Variants in FHIP2A observed in about 807,000 individuals in gnomAD.
FHIP2A encodes family with sequence similarity 160 member B1.
A neutral mutation model predicts 93.5 loss-of-function variants in FHIP2A; 46 were observed. The observed-to-expected ratio is 0.49, with a 90% CI of 0.39 to 0.63. The LOEUF is 0.63. FHIP2A is among the 20% of genes least tolerant of loss of function. The pLI is 0.00. For missense variants in FHIP2A, 769 were observed against 909.7 expected, an observed-to-expected ratio of 0.85 and a Z score of 1.99; for synonymous variants, 332 against 326.5, an observed-to-expected ratio of 1.02 and a Z score of -0.18.
rs560232129 is a variant in FHIP2A at position 114,862,020 on chromosome 10, A to G, written c.*480A>G. On this transcript the variant is annotated 3_prime_UTR_variant, in exon 17 of 17. Coordinates refer to ENST00000369248, the MANE Select transcript of FHIP2A (RefSeq NM_020940.4). ...AATTCTTATCAAACAAAATATGAAA[A>G]CTGTAAATGAGAAAAAAATACAATT... 1.0e-6 allele frequency: 1 copy of G among 970,166 alleles called. No homozygotes were observed. Among genetic ancestry groups the G allele is most frequent in the Non-Finnish European group, 1.2e-6 (1 of 815,578 alleles). The allele number at this position is 970,166 out of a possible 1,614,324, so 60.1% of individuals were successfully genotyped here.
At chr10:114,859,205 G>C (rs555551758) in intron 14 of FHIP2A, among the ~76,000 whole-genome samples, 32 of 152,028 alleles carry the variant, frequency 2.1e-4, no homozygotes, top group Admixed American at 1.3e-3. Flanking sequence ...TAGTAAGTTA[G>C]AAAGACTAAA....
At position 114,860,878 on chromosome 10, in the gene FHIP2A, G is replaced by A. The variant is rs1238412832; in HGVS notation, c.2077G>A (p.Val693Ile). The A allele has an allele frequency of 1.9e-6, 3 of 1,613,320 alleles. No homozygotes were observed. The highest frequency in any genetic ancestry group is 1.7e-5 in the Admixed American group (1 of 59,962). Residue 693 changes from valine to isoleucine, a missense_variant, in exon 15 of 17, where the codon GTA becomes ATA. Val to Ile is a conservative substitution (Grantham distance 29, BLOSUM62 3). Coordinates refer to ENST00000369248, the MANE Select transcript of FHIP2A (RefSeq NM_020940.4). ...LAPGCRSLFS[V>I]IVRVVGDLML... is the part of the protein sequence containing the mutation. Reference sequence around the variant, plus strand: ...TCCTGGCTGTAGATCTCTCTTCTCTGTAATTGTCAGGGTGAGTTACTAGTT... The same window carrying A: ...TCCTGGCTGTAGATCTCTCTTCTCTATAATTGTCAGGGTGAGTTACTAGTT...
At chr10:114,866,062 A>G (rs2083827367), downstream of FHIP2A, among the ~76,000 whole-genome samples, 1 of 152,042 alleles carries the variant, frequency 6.6e-6, no homozygotes, top group Non-Finnish European at 1.5e-5. Flanking sequence ...TGCTGCACCT[A>G]TCAACCCATC....
At chr10:114,865,239 C>G (rs1315872978), downstream of FHIP2A, among the ~76,000 whole-genome samples, 1 of 152,084 alleles carries the variant, frequency 6.6e-6, no homozygotes, top group Non-Finnish European at 1.5e-5. Flanking sequence ...CCACCTGCCT[C>G]GGCCTCCCAA....
intron 2 of FHIP2A, among the ~76,000 whole-genome samples, chr10:114,832,812 A>G (rs1222052999): frequency 4.0e-5 from 6 of 151,436 alleles, no homozygotes; most frequent in African/African-American, 1.5e-4. Flanking sequence ...CCCAGGTTCA[A>G]GAGATTCTCC....
intron 14 of FHIP2A, among the ~76,000 whole-genome samples, chr10:114,856,626 A>G (rs2083768697): frequency 6.6e-6 from 1 of 152,126 alleles, no homozygotes; most frequent in South Asian, 2.1e-4. Flanking sequence ...TCTAAATTTT[A>G]AAAAGTAGTT....
chr10:114,853,648 T>A (rs553806295), intron 13 of FHIP2A, among the ~76,000 whole-genome samples: 1 of 152,360 alleles, frequency 6.6e-6, no homozygotes, highest in South Asian at 2.1e-4. Context: ...AACCAAAAGC[T>A]ATAAGAAATT....
chr10:114,855,792 G>A lies in FHIP2A; in HGVS notation c.1947+452G>A, dbSNP rs146310386. On this transcript the variant is annotated intron_variant, in intron 14 of 16. Transcript: ENST00000369248. ...GGCTCTTTAGACAAAGCTTGTAAACGATACTCATTTTCATAAGGGAGAGGT... is the reference window on the plus strand; with the variant it reads ...GGCTCTTTAGACAAAGCTTGTAAACAATACTCATTTTCATAAGGGAGAGGT... Among the ~76,000 whole-genome samples the A allele has an allele frequency of 5.1e-3, 773 of 152,198 alleles. 4 individuals are homozygous for A. The highest frequency in any genetic ancestry group is 0.011 in the African/African-American group (457 of 41,546).
Position 114,861,739 on chromosome 10 carries a change from A to G in FHIP2A, c.*199A>G, listed in dbSNP as rs142821141. On this transcript the variant is annotated 3_prime_UTR_variant, in exon 17 of 17. Transcript: ENST00000369248. The stretch of plus-strand genomic sequence containing the variant: ...TAATGTTGTTTTCATTGGCTTTATC[A>G]TAATGGTTCTATATATACAATTGCA... 210 of 1,351,512 alleles carry G rather than the reference A, an allele frequency of 1.6e-4. No individual in the cohort carries two copies. The African/African-American group carries it at 2.8e-3, about 18-fold the overall frequency. The allele number at this position is 1,351,512 out of a possible 1,614,324, so 83.7% of individuals were successfully genotyped here.
intron 1 of FHIP2A, among the ~76,000 whole-genome samples, chr10:114,826,683 AAAG>A (rs2083578591): frequency 6.6e-6 from 1 of 152,194 alleles, no homozygotes; most frequent in African/African-American, 2.4e-5. Context: ...CCAGGGGCAG[AAAG>A]AAGCATTTAA....
In FHIP2A at chr10:114,847,108, A is replaced by G. The variant is rs755748158; in HGVS notation, c.1587A>G (p.Pro529=). ...AACTTAGAGATCTGGAAGAAGATCCATTATTTACTGACATTTCACCAGAAA... is the reference window on the plus strand; with the variant it reads ...AACTTAGAGATCTGGAAGAAGATCCGTTATTTACTGACATTTCACCAGAAA... The part of the protein sequence containing the change: ...IAGAVDLEED[P]LFTDISPENT... The change falls in exon 12 of 17, where the codon CCA becomes CCG. Residue 529 remains proline, a synonymous_variant. Coordinates refer to ENST00000369248, the MANE Select transcript of FHIP2A (RefSeq NM_020940.4). 2 of 1,611,574 alleles carry G rather than the reference A, an allele frequency of 1.2e-6. No individual in the cohort carries two copies. The highest frequency in any genetic ancestry group is 1.7e-6 in the Non-Finnish European group (2 of 1,178,548).
At chr10:114,848,916 A>G (rs574739436) in intron 13 of FHIP2A, among the ~76,000 whole-genome samples, 179 bp downstream of exon 13, 8 of 151,908 alleles carry the variant, frequency 5.3e-5, no homozygotes, top group Middle Eastern at 3.4e-3. Context: ...GCCGAAGCGG[A>G]TGGATCACTT....
At chr10:114,860,963 C>A in intron 15 of FHIP2A, 74 bp downstream of exon 15, 1 of 1,362,128 alleles carries the variant, frequency 7.3e-7, no homozygotes, top group South Asian at 1.2e-5. Context: ...TCATTGTATG[C>A]AGTTAGTGTC....
At chr10:114,845,207 T>C (rs755377004) in intron 7 of FHIP2A, among the ~76,000 whole-genome samples, 160 bp from the exon 8 acceptor site, 3 of 152,180 alleles carry the variant, frequency 2.0e-5, no homozygotes, top group Non-Finnish European at 2.9e-5. Context: ...TATCTTTGGT[T>C]TCTTTTACAG....
intron 16 of FHIP2A, among the ~76,000 whole-genome samples, chr10:114,895,342 C>T (rs1566391908): frequency 6.6e-6 from 1 of 152,194 alleles, no homozygotes; most frequent in Non-Finnish European, 1.5e-5. Context: ...CCAATTCCTA[C>T]CACCCTGGAC....
chr10:114,850,593 G>A (rs2083729018), intron 13 of FHIP2A, among the ~76,000 whole-genome samples: 2 of 152,118 alleles, frequency 1.3e-5, no homozygotes, highest in South Asian at 4.2e-4. Context: ...CCAGCTATTG[G>A]GGAAGCTGAG....
chr10:114,848,195 G>A (rs2083713452), intron 12 of FHIP2A, among the ~76,000 whole-genome samples: 1 of 151,970 alleles, frequency 6.6e-6, no homozygotes, highest in Non-Finnish European at 1.5e-5. Context: ...GTTCTGGCAG[G>A]TGATTTTAGA....
chr10:114,875,920 G>GA (rs1417117218), intron 16 of FHIP2A, among the ~76,000 whole-genome samples: 1 of 142,468 alleles, frequency 7.0e-6, no homozygotes, highest in Admixed American at 7.0e-5. Context: ...GAGAAAGAAA[G>GA]AAAGAAAGAA....
Position 114,861,961 on chromosome 10 carries a change from A to C in FHIP2A, c.*421A>C, listed in dbSNP as rs2083802614. 30 of 985,180 alleles carry C rather than the reference A, an allele frequency of 3.0e-5. No homozygotes were observed. The South Asian group carries it at 1.3e-3, about 42-fold the overall frequency. 61.0% of individuals were successfully genotyped at this position (985,180 alleles called of 1,614,324 possible). A position where few individuals can be genotyped will look rare whatever the true frequency, so the allele number is the denominator to read the frequency against. ...TCTTTTGGATTAATAAGTAGCAAAA[A>C]AAAATCACTAATTTTATAACTTTTT... On this transcript the variant is annotated 3_prime_UTR_variant, in exon 17 of 17. Transcript: ENST00000369248.
Sources: allele counts gnomAD v4.1 joint callset (sites outside exome capture counted in the v4.1 genomes callset), GRCh38; gene constraint gnomAD v4.1.1; transcripts MANE v1.5; gene names NCBI Gene and HGNC (gene_info 2026-07-23, HGNC 2026-07-21).